The following PRKCE variants were observed in gnomAD, a reference collection of about 807,000 sequenced individuals.
The protein encoded by PRKCE is protein kinase C epsilon type.
Under a neutral mutation model 85.4 loss-of-function variants are expected in PRKCE, and 16 were observed. That is an observed-to-expected ratio of 0.19 (90% CI 0.13 to 0.28). PRKCE has a LOEUF of 0.28. Among genes scored for constraint, PRKCE ranks in the 10% least tolerant of loss-of-function variants. The pLI is 1.00. For synonymous variants in PRKCE, 388 were observed against 371.5 expected (o/e 1.04, Z -0.51); for missense variants, 573 against 975.2 (o/e 0.59, Z 5.49).
intron 1 of PRKCE, among the ~76,000 whole-genome samples, chr2:45,750,311 A>T (rs1188244072): frequency 6.6e-6 from 1 of 152,116 alleles, no homozygotes; most frequent in Non-Finnish European, 1.5e-5. Flanking sequence ...CCCTGGGAAA[A>T]ATTATTCTGC....
intron 11 of PRKCE, among the ~76,000 whole-genome samples, chr2:46,092,824 T>C (rs1670307405): frequency 6.6e-6 from 1 of 152,208 alleles, no homozygotes; most frequent in South Asian, 2.1e-4. Context: ...CCTTAATCTC[T>C]GGAATCATAT....
chr2:46,151,999 A>G (rs1209186579), intron 13 of PRKCE, among the ~76,000 whole-genome samples: 1 of 152,222 alleles, frequency 6.6e-6, no homozygotes, highest in Non-Finnish European at 1.5e-5. Flanking sequence ...TGAGGGTGAC[A>G]ACCCAGGGAC....
chr2:45,790,373 A>G (rs1429875256), intron 1 of PRKCE, among the ~76,000 whole-genome samples: 2 of 152,234 alleles, frequency 1.3e-5, no homozygotes, highest in Non-Finnish European at 2.9e-5. Flanking sequence ...ATGCGCTGAG[A>G]AAAACACACA....
chr2:45,772,814 A>G (rs146387035), intron 1 of PRKCE, among the ~76,000 whole-genome samples: 3 of 152,250 alleles, frequency 2.0e-5, no homozygotes, highest in African/African-American at 7.2e-5. Context: ...GAAGAGGACA[A>G]GGTGTCCTCC....
chr2:45,971,067 A>T (rs11125045), intron 2 of PRKCE, among the ~76,000 whole-genome samples: 123,371 of 152,102 alleles, frequency 0.81, 50,433 homozygotes, highest in East Asian at 0.97. Flanking sequence ...TTAAGTATAC[A>T]ATGCAGTGTG....
At chr2:45,707,056 A>G (rs1229135773) in intron 1 of PRKCE, among the ~76,000 whole-genome samples, 1 of 152,214 alleles carries the variant, frequency 6.6e-6, no homozygotes, top group Non-Finnish European at 1.5e-5. Context: ...CAACTCTGGA[A>G]TTCTGTGATT....
intron 13 of PRKCE, among the ~76,000 whole-genome samples, chr2:46,152,413 C>T (rs1219818964): frequency 1.3e-5 from 2 of 152,044 alleles, no homozygotes; most frequent in East Asian, 3.9e-4. Context: ...AACTCTTGAC[C>T]TCAGGTGATC....
chr2:46,153,453 G>A (rs1676843031), intron 13 of PRKCE, among the ~76,000 whole-genome samples: 2 of 152,172 alleles, frequency 1.3e-5, no homozygotes, highest in South Asian at 4.1e-4. Flanking sequence ...GGTAACAAGT[G>A]CAAAAAGACA....
intron 1 of PRKCE, among the ~76,000 whole-genome samples, chr2:45,759,134 G>T (rs1483086998): frequency 6.6e-6 from 1 of 152,168 alleles, no homozygotes; most frequent in Non-Finnish European, 1.5e-5. Context: ...GCTGTCCCCT[G>T]CCCCTGCCCT....
At chr2:45,889,280 T>C (rs1695535204) in intron 2 of PRKCE, among the ~76,000 whole-genome samples, 1 of 152,084 alleles carries the variant, frequency 6.6e-6, no homozygotes, top group Non-Finnish European at 1.5e-5. Context: ...GAAAGCCGAC[T>C]CCACCTTATA....
chr2:45,697,219 A>G lies in PRKCE; in HGVS notation c.348+44771A>G, dbSNP rs1678226922. Among the ~76,000 whole-genome samples, 1 of 152,098 alleles carries G rather than the reference A, an allele frequency of 6.6e-6. No individual in the cohort carries two copies. Among genetic ancestry groups the G allele is most frequent in the South Asian group, 2.1e-4 (1 of 4,832 alleles). Reference sequence around the variant, plus strand: ...TCAAAGAGTCCATGCTCTACCTGGGAGGGCCTGTGTAGGTGAAGAGGGGGC... The same window carrying G: ...TCAAAGAGTCCATGCTCTACCTGGGGGGGCCTGTGTAGGTGAAGAGGGGGC... On this transcript the variant is annotated intron_variant, in intron 1 of 14. Transcript: ENST00000306156. The surrounding 1 kb of genome is among the most constrained non-coding windows in gnomAD (Gnocchi z 4.2).
intron 10 of PRKCE, among the ~76,000 whole-genome samples, chr2:46,020,364 A>G (rs1450560970): frequency 1.3e-5 from 2 of 151,914 alleles, no homozygotes; most frequent in African/African-American, 4.8e-5. Flanking sequence ...CACTTTGAAA[A>G]CAGTTTAAAA....
intron 1 of PRKCE, among the ~76,000 whole-genome samples, chr2:45,701,203 A>G (rs2104234528): frequency 6.6e-6 from 1 of 152,318 alleles, no homozygotes; most frequent in East Asian, 1.9e-4. Context: ...AATGAACAGT[A>G]TCTACTCTTG....
intron 1 of PRKCE, among the ~76,000 whole-genome samples, chr2:45,827,695 C>T (rs1393699233): frequency 6.6e-6 from 1 of 152,218 alleles, no homozygotes; most frequent in Admixed American, 6.5e-5. Flanking sequence ...AAGGCAGGTT[C>T]TATCCCAGAA....
Position 46,180,476 on chromosome 2 carries a change from TA to T in PRKCE, c.2068-4258del, listed in dbSNP as rs146538955. On this transcript the variant is annotated intron_variant, in intron 14 of 14. Transcript: ENST00000306156. ...GCATCTCAATTGCTGGAGGAAGCAC[TA>T]GGATGTTCAGGCAGGCCCAGGCTCA... 3.8e-3 allele frequency among the ~76,000 whole-genome samples: 577 copies of T among 152,288 alleles called. 3 individuals are homozygous for T. The highest frequency in any genetic ancestry group is 0.013 in the African/African-American group (548 of 41,550).
At chr2:45,942,958 A>G (rs1699990818) in intron 2 of PRKCE, among the ~76,000 whole-genome samples, 1 of 152,230 alleles carries the variant, frequency 6.6e-6, no homozygotes, top group South Asian at 2.1e-4. Flanking sequence ...TCCACTCCCC[A>G]GAAGTTAGCT....
At chr2:46,104,066 A>G (rs1471612764) in intron 11 of PRKCE, among the ~76,000 whole-genome samples, 1 of 152,208 alleles carries the variant, frequency 6.6e-6, no homozygotes, top group Non-Finnish European at 1.5e-5. Context: ...TAAAAGGTCC[A>G]TGTTCTGAAA....
intron 1 of PRKCE, among the ~76,000 whole-genome samples, chr2:45,736,169 T>C (rs747510038): frequency 1.4e-4 from 22 of 152,186 alleles, no homozygotes; most frequent in Middle Eastern, 6.8e-3. Flanking sequence ...CCATGTTGGC[T>C]GGGCTGGTCT....
intron 1 of PRKCE, among the ~76,000 whole-genome samples, chr2:45,783,127 T>G (rs559436000): frequency 2.2e-4 from 34 of 152,316 alleles, no homozygotes; most frequent in African/African-American, 7.9e-4. Flanking sequence ...CTTGGCAGAC[T>G]GGGTCCTGGG....
Sources: gnomAD v4.1 joint callset for allele counts (sites outside exome capture counted in the v4.1 genomes callset) on GRCh38, gnomAD v4.1.1 for gene constraint, Gnocchi (gnomAD v3.1) non-coding constraint, MANE v1.5 for transcripts, NCBI Gene and HGNC (gene_info 2026-07-23, HGNC 2026-07-21) for gene names.